Variants in CARMIL3 observed in about 807,000 individuals in gnomAD.
CARMIL3 encodes capping protein regulator and myosin 1 linker 3, also known as capping protein, Arp2/3 and myosin-I linker protein 3.
In CARMIL3, 88 loss-of-function variants were observed where a neutral mutation model predicts 180.8. That is an observed-to-expected ratio of 0.49 (90% CI 0.41 to 0.58). The LOEUF is 0.58. CARMIL3 is among the 20% of genes least tolerant of loss of function. The pLI, the probability that CARMIL3 is intolerant of heterozygous loss-of-function variation, is 0.00. For synonymous variants in CARMIL3, 696 were observed against 714.5 expected, an observed-to-expected ratio of 0.97 and a Z score of 0.41; for missense variants, 1,548 against 1,787.0, an observed-to-expected ratio of 0.87 and a Z score of 2.41.
chr14:24,058,264 C>A lies in CARMIL3; in HGVS notation c.1392+40C>A. The A allele has an allele frequency of 6.3e-7, 1 of 1,589,032 alleles. No individual in the cohort carries two copies. Among genetic ancestry groups the A allele is most frequent in the Non-Finnish European group, 8.6e-7 (1 of 1,166,218 alleles). On this transcript the variant is annotated intron_variant, in intron 17 of 39. Transcript: ENST00000342740. This position sits in a 1 kb window ranked among gnomAD's most constrained non-coding sequence, Gnocchi z 6.4. ...CCCAACCCCTCTGCCCGCCTCCGAT[C>A]CATGTGCATTTCTCAGACCTAAGTC...
chr14:24,057,027 G>A lies in CARMIL3; in HGVS notation c.1062+3G>A. 1.2e-6 allele frequency: 2 copies of A among 1,612,480 alleles called. No homozygotes were observed. Among genetic ancestry groups the A allele is most frequent in the Non-Finnish European group, 1.7e-6 (2 of 1,179,116 alleles). ...TCCTCGCCACGGATGAGGCCAATGTGAGTCCTCAGAACAGCCTCAGCCCCC... is the reference window on the plus strand; with the variant it reads ...TCCTCGCCACGGATGAGGCCAATGTAAGTCCTCAGAACAGCCTCAGCCCCC... On this transcript the variant is annotated splice_donor_region_variant and intron_variant, in intron 13 of 39. Transcript: ENST00000342740.
chr14:24,068,496 C>T, intron 36 of CARMIL3, 88 bp from the exon 37 acceptor site: 1 of 1,209,064 alleles, frequency 8.3e-7, no homozygotes, highest in Non-Finnish European at 1.2e-6. Flanking sequence ...AAGTCCTGGC[C>T]TCCAGGGCTT....
At position 24,055,229 on chromosome 14, in the gene CARMIL3, T is replaced by C; in HGVS notation, c.532-8T>C. The C allele has an allele frequency of 1.2e-6, 2 of 1,614,066 alleles. No individual in the cohort carries two copies. The highest frequency in any genetic ancestry group is 2.2e-5 in the South Asian group (2 of 91,074). ...GGAGCAGGTGTGAGCCAGTTCCACCTCTCCAAGGATGTGGACACCATCTAC... is the reference window on the plus strand; with the variant it reads ...GGAGCAGGTGTGAGCCAGTTCCACCCCTCCAAGGATGTGGACACCATCTAC... On this transcript the variant is annotated splice_region_variant and splice_polypyrimidine_tract_variant and intron_variant, in intron 7 of 39. Transcript: ENST00000342740.
chr14:24,061,067 ATGGT>A lies in CARMIL3; in HGVS notation c.2304+28_2304+31del. 6.5e-7 allele frequency: 1 copy of A among 1,540,348 alleles called. No individual in the cohort carries two copies. The highest frequency in any genetic ancestry group is 1.2e-5 in the South Asian group (1 of 83,766). ...CAAGTCCTGGAGGAGGGAGGAATCCATGGTGGGAACCTAGTGTTGACTGAGGCCC... is the reference window on the plus strand; with the variant it reads ...CAAGTCCTGGAGGAGGGAGGAATCCAGGGAACCTAGTGTTGACTGAGGCCC... On this transcript the variant is annotated intron_variant, in intron 26 of 39. Coordinates refer to ENST00000342740, the MANE Select transcript of CARMIL3 (RefSeq NM_138360.4). This position sits in a 1 kb window ranked among gnomAD's most constrained non-coding sequence, Gnocchi z 4.1.
rs1165533614 is a variant in CARMIL3 at position 24,059,085 on chromosome 14, A to G, written c.1572-50A>G. 1.3e-6 allele frequency: 2 copies of G among 1,585,262 alleles called. No individual in the cohort carries two copies. The highest frequency in any genetic ancestry group is 1.7e-6 in the Non-Finnish European group (2 of 1,165,624). On this transcript the variant is annotated intron_variant, in intron 19 of 39. Transcript: ENST00000342740. This position sits in a 1 kb window ranked among gnomAD's most constrained non-coding sequence, Gnocchi z 6.3. ...CTGGCCACCTCTCTCCTCCTCCAAT[A>G]GCATGACCCCAGCCCTTCCCCTCCT...
intron 31 of CARMIL3, 49 bp downstream of exon 31, chr14:24,063,582 A>G: frequency 6.5e-7 from 1 of 1,538,152 alleles, no homozygotes; most frequent in Non-Finnish European, 8.8e-7. Flanking sequence ...CAGTGACACC[A>G]GAGCCAGGAG....
chr14:24,068,252 C>T (rs1168906522), intron 36 of CARMIL3, among the ~76,000 whole-genome samples: 1 of 152,106 alleles, frequency 6.6e-6, no homozygotes, highest in Non-Finnish European at 1.5e-5. Context: ...CAAAAATTAG[C>T]TGGGCGTGGT....
Position 24,066,378 on chromosome 14 carries a change from C to A in CARMIL3, c.3526-20C>A. 6.2e-7 allele frequency: 1 copy of A among 1,613,398 alleles called. No homozygotes were observed. The highest frequency in any genetic ancestry group is 1.7e-5 in the Admixed American group (1 of 59,882). On this transcript the variant is annotated intron_variant, in intron 34 of 39. Coordinates refer to ENST00000342740, the MANE Select transcript of CARMIL3 (RefSeq NM_138360.4). ...GCCACAGAGGAGACTTTCTTACAAC[C>A]TGACCCACTGTTCTTTCAGGGCCCA...
rs1297686515 is a variant in CARMIL3 at position 24,060,013 on chromosome 14, T to G, written c.1912T>G (p.Ser638Ala). The change falls in exon 23 of 40, where the codon TCC becomes GCC. Residue 638 changes from serine to alanine, a missense_variant. Physicochemically the swap from Ser to Ala is moderately conservative, Grantham distance 99. This residue lies in a region of CARMIL3 where 297 missense variants were observed against 415.9 expected (regional missense o/e 0.71). Transcript: ENST00000342740. ...RFMSFPVSDI[S>A]QAYRSAPERT... is the part of the protein sequence containing the mutation. ...CATGTCCTTCCCCGTGAGCGACATCTCCCAAGCCTATCGCAGCGCGCCTGA... is the reference window on the plus strand; with the variant it reads ...CATGTCCTTCCCCGTGAGCGACATCGCCCAAGCCTATCGCAGCGCGCCTGA... 6.2e-6 allele frequency: 10 copies of G among 1,613,904 alleles called. No individual in the cohort carries two copies. The highest frequency in any genetic ancestry group is 8.5e-6 in the Non-Finnish European group (10 of 1,180,032).
At chr14:24,066,700 G>A (rs771239021) in intron 36 of CARMIL3, 44 bp downstream of exon 36, 1 of 1,597,290 alleles carries the variant, frequency 6.3e-7, no homozygotes, top group Non-Finnish European at 8.6e-7. Flanking sequence ...AAAGCCCAGG[G>A]TGTGTCCAAA....
Position 24,061,877 on chromosome 14 carries a change from C to G in CARMIL3, c.2480+205C>G. ...TAAGTGCTGAGCTGGGGTTTAGGAG[C>G]CAAGTTTGTGCCCACACAGGTGTAC... is the stretch of plus-strand genomic sequence containing the variant. On this transcript the variant is annotated intron_variant, in intron 27 of 39. Transcript: ENST00000342740. The surrounding 1 kb of genome is among the most constrained non-coding windows in gnomAD (Gnocchi z 4.1). The G allele has an allele frequency of 1.7e-6, 1 of 604,546 alleles. No homozygotes were observed. Among genetic ancestry groups the G allele is most frequent in the Non-Finnish European group, 2.8e-6 (1 of 354,552 alleles). 37.4% of individuals were successfully genotyped at this position (604,546 alleles called of 1,614,324 possible).
Position 24,062,576 on chromosome 14 carries a change from T to G in CARMIL3, c.2568+9T>G. 1 of 1,613,674 alleles carries G rather than the reference T, an allele frequency of 6.2e-7. No homozygotes were observed. The highest frequency in any genetic ancestry group is 1.3e-5 in the African/African-American group (1 of 75,044). On this transcript the variant is annotated intron_variant, in intron 28 of 39. Transcript: ENST00000342740. ...ATTCCCACAAGAGCCTGGTAAGGCTTCTTCTGCAGCCTGGCCTGGCTCGGG... is the reference window on the plus strand; with the variant it reads ...ATTCCCACAAGAGCCTGGTAAGGCTGCTTCTGCAGCCTGGCCTGGCTCGGG...
In CARMIL3 at chr14:24,063,614, G is replaced by A. The variant is rs541839980; in HGVS notation, c.2979+81G>A. 72 of 1,367,732 alleles carry A rather than the reference G, an allele frequency of 5.3e-5. 1 individual carries two copies. The East Asian group carries it at 1.5e-3, about 29-fold the overall frequency. 84.7% of individuals were successfully genotyped at this position (1,367,732 alleles called of 1,614,324 possible). On this transcript the variant is annotated intron_variant, in intron 31 of 39. Coordinates refer to ENST00000342740, the MANE Select transcript of CARMIL3 (RefSeq NM_138360.4). ...GGAGTTTTACCTTTAGGACCCAAAT[G>A]CCAGAGACAGTAGCCTTGAGGGATT...
In CARMIL3 at chr14:24,064,509, G is replaced by A. The variant is rs547513315; in HGVS notation, c.3080+163G>A. Among the ~76,000 whole-genome samples, 5 of 152,286 alleles carry A rather than the reference G, an allele frequency of 3.3e-5. No homozygotes were observed. In the East Asian group the frequency reaches 9.7e-4, roughly 29 times the overall value. On this transcript the variant is annotated intron_variant, in intron 32 of 39. Coordinates refer to ENST00000342740, the MANE Select transcript of CARMIL3 (RefSeq NM_138360.4). ...TCATCCTTCCCCACCCAGCCCTCAG[G>A]GCCCATGACCTCTGCGTCTTCCCAG...
At chr14:24,066,533 C>G (rs1393207347) in intron 35 of CARMIL3, 34 bp from the exon 36 acceptor site, 1 of 1,612,470 alleles carries the variant, frequency 6.2e-7, no homozygotes, top group African/African-American at 1.3e-5. Flanking sequence ...TTTTCCCTTT[C>G]TCCTCTCTTT....
Position 24,052,212 on chromosome 14 carries a change from C to G in CARMIL3, c.40+19C>G, listed in dbSNP as rs753049512. On this transcript the variant is annotated intron_variant, in intron 1 of 39. Transcript: ENST00000342740. ...TTGCAAGGTACGAGGCTGCCTCGGTCTCTGGGACGCCCCGTCCGGGAGCAT... is the reference window on the plus strand; with the variant it reads ...TTGCAAGGTACGAGGCTGCCTCGGTGTCTGGGACGCCCCGTCCGGGAGCAT... 2 of 1,581,686 alleles carry G rather than the reference C, an allele frequency of 1.3e-6. No individual in the cohort carries two copies. The highest frequency in any genetic ancestry group is 2.4e-5 in the East Asian group (1 of 42,144).
rs972026277 is a variant in CARMIL3, at chr14:24,054,927, G to C, written c.460+119G>C. ...GCTTTGCCTGCCTGAAGGACTCCCAGCTCCCAGACCTCAGGAAGTTCATGG... is the reference window on the plus strand; with the variant it reads ...GCTTTGCCTGCCTGAAGGACTCCCACCTCCCAGACCTCAGGAAGTTCATGG... On this transcript the variant is annotated intron_variant, in intron 6 of 39. Transcript: ENST00000342740. This position sits in a 1 kb window ranked among gnomAD's most constrained non-coding sequence, Gnocchi z 5.1. 7.3e-7 allele frequency: 1 copy of C among 1,369,870 alleles called. No homozygotes were observed. The highest frequency in any genetic ancestry group is 1.0e-6 in the Non-Finnish European group (1 of 978,450). 84.9% of individuals were successfully genotyped at this position (1,369,870 alleles called of 1,614,324 possible).
chr14:24,055,154 C>T lies in CARMIL3; in HGVS notation c.531+18C>T. ...TTCAATGGGTATGTTGGGCAGGGAC[C>T]CCATAGGGAACAGGTGGGACCTGGA... On this transcript the variant is annotated intron_variant, in intron 7 of 39. Transcript: ENST00000342740. 6.2e-7 allele frequency: 1 copy of T among 1,614,018 alleles called. No individual in the cohort carries two copies. The highest frequency in any genetic ancestry group is 1.1e-5 in the South Asian group (1 of 91,074).
chr14:24,062,215 C>A, intron 27 of CARMIL3: 1 of 560,732 alleles, frequency 1.8e-6, no homozygotes, highest in Non-Finnish European at 3.2e-6. Context: ...GGGGCCTGAC[C>A]TAGGGCCCCC....
Sources: allele counts gnomAD v4.1 joint callset (sites outside exome capture counted in the v4.1 genomes callset), GRCh38; gene constraint gnomAD v4.1.1; regional missense constraint gnomAD v4.1.1; non-coding constraint Gnocchi (gnomAD v3.1); transcripts MANE v1.5; gene names NCBI Gene and HGNC (gene_info 2026-07-23, HGNC 2026-07-21).